The following BIRC6 variants were observed in gnomAD, a reference collection of about 807,000 sequenced individuals.
BIRC6 encodes baculoviral IAP repeat containing 6.
In BIRC6, 98 loss-of-function variants were observed where a neutral mutation model predicts 503.3. That is an observed-to-expected ratio of 0.19 (90% CI 0.17 to 0.23). BIRC6 has a LOEUF of 0.23. Among genes scored for constraint, BIRC6 ranks in the 10% least tolerant of loss-of-function variants. BIRC6 has a pLI of 1.00. For missense variants in BIRC6, 5,360 were observed against 5,806.0 expected (o/e 0.92, Z 2.50); for synonymous variants, 2,240 against 2,078.7 (o/e 1.08, Z -2.11).
intron 73 of BIRC6, among the ~76,000 whole-genome samples, chr2:32,615,935 C>T (rs763139817): frequency 2.0e-5 from 3 of 152,198 alleles, no homozygotes; most frequent in Middle Eastern, 3.4e-3. Flanking sequence ...ACCCGGCCGA[C>T]ACAATTTTAA....
At chr2:32,584,779 T>G (rs1398665010) in intron 66 of BIRC6, among the ~76,000 whole-genome samples, 1 of 152,192 alleles carries the variant, frequency 6.6e-6, no homozygotes, top group East Asian at 1.9e-4. Context: ...ACTTGCCTAC[T>G]ATCATATTAG....
intron 72 of BIRC6, 128 bp from the exon 73 acceptor site, chr2:32,611,320 A>T: frequency 4.4e-6 from 2 of 456,604 alleles, no homozygotes; most frequent in Non-Finnish European, 6.5e-6. Flanking sequence ...ATATTAATTT[A>T]AATGTATTTA....
intron 23 of BIRC6, among the ~76,000 whole-genome samples, chr2:32,460,492 G>A (rs966785649): frequency 6.6e-6 from 1 of 151,222 alleles, no homozygotes; most frequent in Admixed American, 6.6e-5. Flanking sequence ...GGTCAGGCTG[G>A]TCTCGAATTC....
intron 23 of BIRC6, among the ~76,000 whole-genome samples, chr2:32,454,533 A>G (rs1365210173): frequency 6.6e-6 from 1 of 150,892 alleles, no homozygotes; most frequent in Middle Eastern, 3.2e-3. Context: ...AGTTACTTCT[A>G]TTGCAGCATA....
intron 65 of BIRC6, among the ~76,000 whole-genome samples, chr2:32,555,777 C>A (rs1470967706): frequency 6.6e-6 from 1 of 151,934 alleles, no homozygotes; most frequent in Non-Finnish European, 1.5e-5. Flanking sequence ...TAGACCCTGT[C>A]TCTACAAAAG....
At chr2:32,521,538 G>T (rs62136327) in intron 57 of BIRC6, among the ~76,000 whole-genome samples, 61 of 151,522 alleles carry the variant, frequency 4.0e-4, no homozygotes, top group South Asian at 1.7e-3. Context: ...GCGCGATCTC[G>T]GCTCACTGCA....
intron 45 of BIRC6, among the ~76,000 whole-genome samples, chr2:32,495,857 A>G (rs1437570672): frequency 3.8e-4 from 34 of 88,398 alleles, no homozygotes; most frequent in Non-Finnish European, 6.0e-4. Flanking sequence ...TCTTTTTTTG[A>G]GACGGAGTCT....
In BIRC6 at chr2:32,396,589, T is replaced by C. The variant is rs543821095; in HGVS notation, c.1034+996T>C. ...GCAGGGCATGCATTCCAGGACCCAT[T>C]GGATACCTGAAACAGCAGATAGTAC... On this transcript the variant is annotated intron_variant, in intron 6 of 73. Coordinates refer to ENST00000421745, the MANE Select transcript of BIRC6 (RefSeq NM_016252.4). Among the ~76,000 whole-genome samples the C allele has an allele frequency of 5.3e-5, 8 of 152,324 alleles. No individual in the cohort carries two copies. In the South Asian group the frequency reaches 1.4e-3, roughly 28 times the overall value.
intron 72 of BIRC6, among the ~76,000 whole-genome samples, chr2:32,611,212 T>A (rs543231318): frequency 6.6e-6 from 1 of 152,062 alleles, no homozygotes; most frequent in East Asian, 1.9e-4. Flanking sequence ...TTCACGCCAT[T>A]CTCTTGCCTC....
intron 12 of BIRC6, 72 bp downstream of exon 12, chr2:32,431,162 T>C: frequency 1.5e-6 from 1 of 678,270 alleles, no homozygotes; most frequent in Non-Finnish European, 2.6e-6. Flanking sequence ...GTAGAATTCC[T>C]AGGTATATTA....
chr2:32,575,372 A>G lies in BIRC6; in HGVS notation c.13355+6A>G, dbSNP rs142244744. ...ACCTATACCAACCGTTTAAGGTACT[A>G]TATACAATGTTCATTTCTCTTGAGT... On this transcript the variant is annotated splice_donor_region_variant and intron_variant, in intron 66 of 73. Coordinates refer to ENST00000421745, the MANE Select transcript of BIRC6 (RefSeq NM_016252.4). 303 of 1,611,070 alleles carry G rather than the reference A, an allele frequency of 1.9e-4. 1 individual carries two copies. The African/African-American group carries it at 3.3e-3, about 18-fold the overall frequency.
intron 61 of BIRC6, among the ~76,000 whole-genome samples, chr2:32,536,993 A>G (rs552745010): frequency 6.6e-6 from 1 of 151,556 alleles, no homozygotes; most frequent in Non-Finnish European, 1.5e-5. Flanking sequence ...TGTAAGTTGG[A>G]CTCCTAGGTA....
intron 65 of BIRC6, among the ~76,000 whole-genome samples, chr2:32,567,351 T>C (rs995512904): frequency 1.3e-5 from 2 of 152,230 alleles, no homozygotes; most frequent in Non-Finnish European, 2.9e-5. Flanking sequence ...GGCTTGTATT[T>C]ATAAAACAGA....
chr2:32,482,654 C>T (rs975562057), intron 39 of BIRC6, 72 bp downstream of exon 39: 28 of 1,538,588 alleles, frequency 1.8e-5, no homozygotes, highest in Non-Finnish European at 2.4e-5. Flanking sequence ...ATACTTTGTC[C>T]CTTGAGAAGT....
intron 66 of BIRC6, among the ~76,000 whole-genome samples, chr2:32,577,796 C>T (rs1394867392): frequency 2.0e-5 from 3 of 152,126 alleles, no homozygotes; most frequent in African/African-American, 7.2e-5. Context: ...AACTGAGTTT[C>T]AATTAACTGG....
chr2:32,581,070 C>T (rs530863146), intron 66 of BIRC6, among the ~76,000 whole-genome samples: 88 of 152,250 alleles, frequency 5.8e-4, no homozygotes, highest in African/African-American at 1.9e-3. Flanking sequence ...GGTTATTTGA[C>T]GGACTCAGGC....
intron 11 of BIRC6, 66 bp from the exon 12 acceptor site, chr2:32,430,799 T>C (rs1291721149): frequency 4.3e-6 from 5 of 1,151,286 alleles, no homozygotes; most frequent in Non-Finnish European, 6.2e-6. Context: ...TTCACTTCAT[T>C]GTCTTCTTTT....
chr2:32,514,720 T>C (rs1365423740), intron 54 of BIRC6, among the ~76,000 whole-genome samples: 2 of 152,216 alleles, frequency 1.3e-5, no homozygotes, highest in Non-Finnish European at 2.9e-5. Flanking sequence ...CACAGAATGA[T>C]AGAACCATTT....
At position 32,435,504 on chromosome 2, in the gene BIRC6, A is replaced by G. The variant is rs1390589192; in HGVS notation, c.3418A>G (p.Ile1140Val). The G allele has an allele frequency of 1.3e-6, 2 of 1,553,202 alleles. No homozygotes were observed. ...CTTTCCTTTGTCTCCAGCTCTTAAC[A>G]TTGAAGTGGAACAAAATGGGAAACC... ...PGLGKVNALN[I>V]EVEQNGKPSL... is the part of the protein sequence containing the mutation. The change falls in exon 14 of 74, where the codon ATT becomes GTT. Residue 1140 changes from isoleucine (I) to valine (V), a missense_variant. Around this residue, in one of 16 missense-constraint regions of BIRC6, gnomAD observed 2,299 missense variants for 2,267.2 expected, o/e 1.01. Transcript: ENST00000421745.
Sources: allele counts gnomAD v4.1 joint callset (sites outside exome capture counted in the v4.1 genomes callset), GRCh38; gene constraint gnomAD v4.1.1; regional missense constraint gnomAD v4.1.1; transcripts MANE v1.5; gene names NCBI Gene and HGNC (gene_info 2026-07-23, HGNC 2026-07-21).